The following CRPPA variants were observed in gnomAD, a reference collection of about 807,000 sequenced individuals.
CRPPA encodes CDP-L-ribitol pyrophosphorylase A.
A neutral mutation model predicts 52.0 loss-of-function variants in CRPPA; 43 were observed. The ratio of observed to expected loss-of-function variants is 0.83; its 90% confidence interval spans 0.65 to 1.07. CRPPA has a LOEUF of 1.07. Ranked by LOEUF, CRPPA falls within the 50% of genes least tolerant of loss-of-function variation. CRPPA has a pLI of 0.00. For missense variants in CRPPA, 629 were observed against 551.7 expected (o/e 1.14, Z -1.40); for synonymous variants, 250 against 203.5 (o/e 1.23, Z -1.94).
intron 9 of CRPPA, among the ~76,000 whole-genome samples, chr7:16,163,786 G>A (rs1583401211): frequency 6.6e-6 from 1 of 152,082 alleles, no homozygotes; most frequent in East Asian, 1.9e-4. Flanking sequence ...GCTTTGTTTG[G>A]CTGCTTATGA....
At chr7:16,290,439 A>C (rs1784537826) in intron 5 of CRPPA, among the ~76,000 whole-genome samples, 1 of 152,022 alleles carries the variant, frequency 6.6e-6, no homozygotes. Context: ...GTACAGCATT[A>C]GTTTAAAACA....
At chr7:16,114,160 G>A (rs927463013) in intron 9 of CRPPA, among the ~76,000 whole-genome samples, 5 of 151,736 alleles carry the variant, frequency 3.3e-5, no homozygotes, top group Non-Finnish European at 7.4e-5. Flanking sequence ...TATAAAAATA[G>A]GATGTGAAAC....
chr7:16,114,715 G>C (rs1374606269), intron 9 of CRPPA, among the ~76,000 whole-genome samples: 2 of 151,854 alleles, frequency 1.3e-5, no homozygotes, highest in African/African-American at 2.4e-5. Flanking sequence ...AAAAAAATTA[G>C]GTTCCTGAAA....
chr7:16,171,614 C>A (rs1781189044), intron 9 of CRPPA, among the ~76,000 whole-genome samples: 1 of 151,338 alleles, frequency 6.6e-6, no homozygotes, highest in East Asian at 1.9e-4. Flanking sequence ...AAACAAAAAA[C>A]AAACAAACCA....
At chr7:16,190,067 A>T (rs1490042700) in intron 9 of CRPPA, among the ~76,000 whole-genome samples, 1 of 152,150 alleles carries the variant, frequency 6.6e-6, no homozygotes. Context: ...GTCTTACAAG[A>T]TCAAATTTAA....
intron 9 of CRPPA, among the ~76,000 whole-genome samples, chr7:16,191,103 G>A (rs765077516): frequency 1.3e-5 from 2 of 152,050 alleles, no homozygotes; most frequent in Non-Finnish European, 1.5e-5. Flanking sequence ...AAACATACAC[G>A]TGCAAGTATC....
chr7:16,153,336 T>C lies in CRPPA; in HGVS notation c.1252-61537A>G, dbSNP rs17169287. ...AGTCTTTCCCTGTGGCTTATTTCTA[T>C]TCAGCTCATGAGCTAATAACTTTTT... On this transcript the variant is annotated intron_variant, in intron 9 of 9. Transcript: ENST00000407010. Among the ~76,000 whole-genome samples the C allele has an allele frequency of 2.1e-3, 326 of 152,188 alleles. 2 individuals are homozygous for C. In the East Asian group the frequency reaches 0.031, roughly 14 times the overall value.
intron 8 of CRPPA, among the ~76,000 whole-genome samples, chr7:16,250,772 T>C (rs1450112813): frequency 6.6e-6 from 1 of 152,062 alleles, no homozygotes; most frequent in Non-Finnish European, 1.5e-5. Flanking sequence ...TGCAAAAACA[T>C]GCCAAATTGT....
intron 6 of CRPPA, among the ~76,000 whole-genome samples, chr7:16,267,299 G>A (rs760153416): frequency 3.9e-5 from 6 of 152,184 alleles, no homozygotes; most frequent in Non-Finnish European, 7.3e-5. Context: ...AATTTTAGAT[G>A]TGTATTTCTC....
chr7:16,094,498 T>C (rs1375032749), intron 9 of CRPPA, among the ~76,000 whole-genome samples: 1 of 151,966 alleles, frequency 6.6e-6, no homozygotes, highest in Admixed American at 6.6e-5. Context: ...ACAAAAAAAA[T>C]GGTTTTAATC....
At chr7:16,390,482 T>C (rs1583571031) in intron 2 of CRPPA, among the ~76,000 whole-genome samples, 1 of 152,116 alleles carries the variant, frequency 6.6e-6, no homozygotes, top group Non-Finnish European at 1.5e-5. Context: ...CCAAATCCAA[T>C]TAATAGTTCT....
intron 3 of CRPPA, among the ~76,000 whole-genome samples, chr7:16,361,672 G>C (rs542339187): frequency 6.6e-6 from 1 of 152,272 alleles, no homozygotes; most frequent in South Asian, 2.1e-4. Context: ...AATGGGGATT[G>C]CCACGAGCTG....
At chr7:16,204,777 G>A (rs910289142) in intron 9 of CRPPA, among the ~76,000 whole-genome samples, 4 of 152,158 alleles carry the variant, frequency 2.6e-5, no homozygotes, top group African/African-American at 9.7e-5. Flanking sequence ...TATAGAGATA[G>A]TTCCCTGTCT....
chr7:16,223,411 T>G (rs1782571626), intron 8 of CRPPA, among the ~76,000 whole-genome samples: 1 of 152,298 alleles, frequency 6.6e-6, no homozygotes, highest in Middle Eastern at 3.4e-3. Context: ...ATGAATTAAC[T>G]TAAACACAGA....
rs114980259 is a variant in CRPPA at position 16,278,309 on chromosome 7, T to C, written c.836-83A>G. On this transcript the variant is annotated intron_variant, in intron 5 of 9. Transcript: ENST00000407010. ...GATGCTGAAACATAAACTTACCTGATGTTCTTAGCTGTTGACCAAGAATAG... is the reference window on the plus strand; with the variant it reads ...GATGCTGAAACATAAACTTACCTGACGTTCTTAGCTGTTGACCAAGAATAG... 1,440 of 680,192 alleles carry C rather than the reference T, an allele frequency of 2.1e-3. 21 individuals carry two copies. The African/African-American group carries it at 0.025, about 12-fold the overall frequency. 42.1% of individuals were successfully genotyped at this position (680,192 alleles called of 1,614,324 possible).
intron 3 of CRPPA, among the ~76,000 whole-genome samples, chr7:16,362,774 A>C (rs1165950283): frequency 6.6e-6 from 1 of 152,194 alleles, no homozygotes; most frequent in African/African-American, 2.4e-5. Context: ...CTAAAATCTA[A>C]GAAAGATTTA....
chr7:16,398,911 GAC>G (rs1421087440), intron 2 of CRPPA, among the ~76,000 whole-genome samples: 2 of 152,218 alleles, frequency 1.3e-5, no homozygotes, highest in African/African-American at 4.8e-5. Flanking sequence ...ACAAGTGACT[GAC>G]ACATGATCGA....
At chr7:16,316,591 G>A (rs546292633) in intron 3 of CRPPA, among the ~76,000 whole-genome samples, 1 of 152,212 alleles carries the variant, frequency 6.6e-6, no homozygotes, top group East Asian at 1.9e-4. Flanking sequence ...GCCAGATGTG[G>A]TGTTTCATGC....
At chr7:16,101,710 T>C (rs1427835022) in intron 9 of CRPPA, among the ~76,000 whole-genome samples, 1 of 152,154 alleles carries the variant, frequency 6.6e-6, no homozygotes, top group Non-Finnish European at 1.5e-5. Flanking sequence ...TTAACTCTCA[T>C]TCACAATTGC....
Sources: gnomAD v4.1 joint callset for allele counts (sites outside exome capture counted in the v4.1 genomes callset) on GRCh38, gnomAD v4.1.1 for gene constraint, MANE v1.5 for transcripts, NCBI Gene and HGNC (gene_info 2026-07-23, HGNC 2026-07-21) for gene names.